AGBL4: variants seen among roughly 807,000 people sequenced by gnomAD.
AGBL4 encodes AGBL carboxypeptidase 4.
Under a neutral mutation model 66.4 loss-of-function variants are expected in AGBL4, and 58 were observed. That is an observed-to-expected ratio of 0.87 (90% CI 0.71 to 1.09). The LOEUF (loss-of-function observed/expected upper bound fraction) is 1.09, where lower values mean the gene tolerates loss of function less well. Among genes scored for constraint, AGBL4 ranks in the 50% least tolerant of loss-of-function variants. The pLI is 0.00. For synonymous variants in AGBL4, 234 were observed against 222.9 expected, an observed-to-expected ratio of 1.05 and a Z score of -0.44; for missense variants, 579 against 631.0, an observed-to-expected ratio of 0.92 and a Z score of 0.88.
intron 3 of AGBL4, among the ~76,000 whole-genome samples, chr1:49,404,358 C>T (rs1435483885): frequency 6.6e-6 from 1 of 152,122 alleles, no homozygotes; most frequent in Admixed American, 6.5e-5. Context: ...GAAAGAGAAC[C>T]CTCACTAGAA....
chr1:48,899,787 T>C (rs1001318375), intron 5 of AGBL4, among the ~76,000 whole-genome samples: 1 of 152,204 alleles, frequency 6.6e-6, no homozygotes, highest in African/African-American at 2.4e-5. Context: ...CTTTGCTAGG[T>C]GGAATACAAA....
At chr1:49,740,108 T>C (rs1403803719) in intron 2 of AGBL4, among the ~76,000 whole-genome samples, 1 of 152,086 alleles carries the variant, frequency 6.6e-6, no homozygotes, top group Non-Finnish European at 1.5e-5. Context: ...GACTGGCAAA[T>C]TGGATAAAGA....
chr1:49,739,867 C>T (rs1385336091), intron 2 of AGBL4, among the ~76,000 whole-genome samples: 1 of 152,104 alleles, frequency 6.6e-6, no homozygotes, highest in Non-Finnish European at 1.5e-5. Context: ...GATTTTGTCA[C>T]CACCAGGCCT....
chr1:49,128,104 A>C (rs1484297380), intron 4 of AGBL4, among the ~76,000 whole-genome samples: 1 of 152,126 alleles, frequency 6.6e-6, no homozygotes, highest in East Asian at 1.9e-4. Flanking sequence ...AATTATAATA[A>C]GGAAAGAAGA....
chr1:49,592,904 T>C (rs4926825), intron 3 of AGBL4, among the ~76,000 whole-genome samples: 60,947 of 152,062 alleles, frequency 0.4, 15,555 homozygotes, highest in Non-Finnish European at 0.57. Context: ...CCCAAAGAGA[T>C]ATAAATTGTT....
At position 48,815,044 on chromosome 1, in the gene AGBL4, C is replaced by T. The variant is rs180690242; in HGVS notation, c.634+52147G>A. Among the ~76,000 whole-genome samples, 487 of 152,248 alleles carry T rather than the reference C, an allele frequency of 3.2e-3. 3 individuals carry two copies. The highest frequency in any genetic ancestry group is 0.01 in the African/African-American group (435 of 41,554). On this transcript the variant is annotated intron_variant, in intron 6 of 13. Coordinates refer to ENST00000371839, the MANE Select transcript of AGBL4 (RefSeq NM_032785.4). ...CGGTGTATAAGAGTTCCCTTTTCTCCACATCCTTTCCAGCATTTATTATTT... is the reference window on the plus strand; with the variant it reads ...CGGTGTATAAGAGTTCCCTTTTCTCTACATCCTTTCCAGCATTTATTATTT...
intron 2 of AGBL4, among the ~76,000 whole-genome samples, chr1:49,729,957 G>A (rs546210344): frequency 1.3e-5 from 2 of 152,106 alleles, no homozygotes; most frequent in Non-Finnish European, 2.9e-5. Flanking sequence ...TCCATGACCC[G>A]AGTGAGAACT....
intron 3 of AGBL4, among the ~76,000 whole-genome samples, chr1:49,436,772 T>C (rs1645913629): frequency 6.6e-6 from 1 of 152,192 alleles, no homozygotes; most frequent in Admixed American, 6.6e-5. Context: ...CAGGCTAAGA[T>C]TCCTACCTTG....
At chr1:48,936,412 C>G (rs6687335) in intron 5 of AGBL4, among the ~76,000 whole-genome samples, 92,141 of 152,046 alleles carry the variant, frequency 0.61, 28,286 homozygotes, top group Non-Finnish European at 0.65. Context: ...GCCAGGCAAA[C>G]CTTCACGGAG....
At chr1:49,260,343 C>A (rs1248501266) in intron 3 of AGBL4, among the ~76,000 whole-genome samples, 2 of 150,260 alleles carry the variant, frequency 1.3e-5, no homozygotes, top group African/African-American at 4.9e-5. Flanking sequence ...CACAAAAAAC[C>A]CTTCAAAAAA....
chr1:49,600,454 A>G (rs188221789), intron 3 of AGBL4, among the ~76,000 whole-genome samples: 98 of 151,930 alleles, frequency 6.5e-4, no homozygotes, highest in East Asian at 6.0e-3. Context: ...TTTGCTTTCC[A>G]TTTGCTTGGT....
intron 3 of AGBL4, among the ~76,000 whole-genome samples, chr1:49,436,517 G>A (rs1287617790): frequency 1.3e-5 from 2 of 151,944 alleles, no homozygotes; most frequent in East Asian, 3.9e-4. Context: ...ATAATCAAGA[G>A]AATTTATCAT....
At chr1:49,479,511 G>A (rs1646911664) in intron 3 of AGBL4, among the ~76,000 whole-genome samples, 2 of 151,756 alleles carry the variant, frequency 1.3e-5, no homozygotes, top group Middle Eastern at 3.4e-3. Flanking sequence ...ATGTGTCTGT[G>A]TGTTATCATC....
At chr1:49,128,006 A>C (rs937714255) in intron 4 of AGBL4, among the ~76,000 whole-genome samples, 1 of 152,106 alleles carries the variant, frequency 6.6e-6, no homozygotes, top group Non-Finnish European at 1.5e-5. Flanking sequence ...CAACAGGAAC[A>C]AATCCATAAA....
At chr1:48,570,348 G>GCAA in intron 11 of AGBL4, among the ~76,000 whole-genome samples, 1 of 152,224 alleles carries the variant, frequency 6.6e-6, no homozygotes, top group African/African-American at 2.4e-5. Context: ...CAGCTTCGCA[G>GCAA]TCTGCTGCCT....
At chr1:49,587,136 C>T (rs1459985433) in intron 3 of AGBL4, among the ~76,000 whole-genome samples, 1 of 152,092 alleles carries the variant, frequency 6.6e-6, no homozygotes, top group African/African-American at 2.4e-5. Flanking sequence ...GTCCCAGCTA[C>T]TCGAGAAGCT....
In AGBL4 at chr1:49,735,880, AAAGAAC is replaced by A. The variant is rs1649846547; in HGVS notation, c.158-38449_158-38444del. Among the ~76,000 whole-genome samples the A allele has an allele frequency of 2.0e-5, 3 of 152,168 alleles. No homozygotes were observed. In the South Asian group the frequency reaches 6.2e-4, roughly 31 times the overall value. ...AACCTAATAAAAATAATGGAATTAA[AAAGAAC>A]AACTTAATTGAAAAACAAAAATCAC... On this transcript the variant is annotated intron_variant, in intron 2 of 13. Coordinates refer to ENST00000371839, the MANE Select transcript of AGBL4 (RefSeq NM_032785.4).
intron 4 of AGBL4, among the ~76,000 whole-genome samples, chr1:49,161,778 A>T (rs922375785): frequency 3.3e-5 from 5 of 152,126 alleles, no homozygotes; most frequent in Non-Finnish European, 7.3e-5. Context: ...TCCACGGGGA[A>T]GCACACATAC....
At chr1:49,239,141 T>C (rs921201506) in intron 4 of AGBL4, among the ~76,000 whole-genome samples, 1 of 152,156 alleles carries the variant, frequency 6.6e-6, no homozygotes, top group South Asian at 2.1e-4. Context: ...ATGTCAATAC[T>C]CTTAAGATAC....
Sources: allele counts gnomAD v4.1 joint callset (sites outside exome capture counted in the v4.1 genomes callset), GRCh38; gene constraint gnomAD v4.1.1; transcripts MANE v1.5; gene names NCBI Gene and HGNC (gene_info 2026-07-23, HGNC 2026-07-21).